ARHGAP26: variants seen among roughly 807,000 people sequenced by gnomAD.
ARHGAP26 encodes Rho GTPase activating protein 26.
Under a neutral mutation model 104.8 loss-of-function variants are expected in ARHGAP26, and 38 were observed. The ratio of observed to expected loss-of-function variants is 0.36; its 90% CI spans 0.28 to 0.48. The LOEUF is 0.48. ARHGAP26 is among the 20% of genes least tolerant of loss of function. The pLI, the probability that ARHGAP26 is intolerant of heterozygous loss-of-function variation, is 0.99. For missense variants in ARHGAP26, 704 were observed against 947.9 expected (o/e 0.74, Z 3.38); for synonymous variants, 341 against 340.0 (o/e 1.00, Z -0.03).
intron 11 of ARHGAP26, among the ~76,000 whole-genome samples, chr5:143,004,695 T>C (rs1374228399): frequency 3.3e-5 from 5 of 152,198 alleles, no homozygotes; most frequent in African/African-American, 7.2e-5. Context: ...CACTGCCCTT[T>C]GAGAATCTGA....
At chr5:143,014,238 G>A (rs556564404) in intron 12 of ARHGAP26, 122 bp downstream of exon 12, 248 of 1,059,260 alleles carry the variant, frequency 2.3e-4, no homozygotes, top group Non-Finnish European at 3.5e-4. Flanking sequence ...TCCAGTTCCC[G>A]AGTGCAGTGG....
chr5:142,925,637 C>G (rs1048953326), intron 10 of ARHGAP26, among the ~76,000 whole-genome samples: 9 of 152,192 alleles, frequency 5.9e-5, no homozygotes, highest in African/African-American at 2.2e-4. Flanking sequence ...CTGGCACTTG[C>G]AAAACTCTTC....
At chr5:142,819,175 C>G (rs375614273) in intron 1 of ARHGAP26, among the ~76,000 whole-genome samples, 2 of 152,184 alleles carry the variant, frequency 1.3e-5, no homozygotes, top group African/African-American at 4.8e-5. Flanking sequence ...CAGGAGGTCA[C>G]CCTAGTCCAA....
intron 1 of ARHGAP26, among the ~76,000 whole-genome samples, chr5:142,870,103 C>T (rs1327589672): frequency 6.6e-6 from 1 of 152,188 alleles, no homozygotes; most frequent in Non-Finnish European, 1.5e-5. Context: ...CTGCTTGGCT[C>T]CTTGCTGTGT....
chr5:143,074,756 C>G (rs1223644537), intron 17 of ARHGAP26, among the ~76,000 whole-genome samples: 1 of 152,224 alleles, frequency 6.6e-6, no homozygotes, highest in Admixed American at 6.5e-5. Context: ...GATTCCTTTT[C>G]CATTGGATGT....
rs547114581 is a variant in ARHGAP26, at chr5:143,015,854, G to T, written c.1144+1738G>T. 5.9e-5 allele frequency among the ~76,000 whole-genome samples: 9 copies of T among 152,284 alleles called. No individual in the cohort carries two copies. In the East Asian group the frequency reaches 1.3e-3, roughly 23 times the overall value. ...CCCAATAGATTTGAAGGACAACCAT[G>T]GTTCTAGTGGTGGGCATCCCAACTG... On this transcript the variant is annotated intron_variant, in intron 12 of 22. Coordinates refer to ENST00000645722, the MANE Select transcript of ARHGAP26 (RefSeq NM_001135608.3).
intron 12 of ARHGAP26, among the ~76,000 whole-genome samples, chr5:143,032,849 G>T (rs1254087395): frequency 6.6e-6 from 1 of 152,220 alleles, no homozygotes; most frequent in African/African-American, 2.4e-5. Context: ...ATGCACATGT[G>T]TGTGTGTGAA....
rs1002284998 is a variant in ARHGAP26 at position 143,133,815 on chromosome 5, T to G, written c.1699-152T>G. 9 of 690,348 alleles carry G rather than the reference T, an allele frequency of 1.3e-5. No individual in the cohort carries two copies. In the Admixed American group the frequency reaches 2.1e-4, roughly 16 times the overall value. The allele number at this position is 690,348 out of a possible 1,614,324, so 42.8% of individuals were successfully genotyped here. ...TTTAATGCCATTTCCTAGAAAAGTT[T>G]AAAATGAAGTCTTGAACAACTGCCA... On this transcript the variant is annotated intron_variant, in intron 18 of 22. Transcript: ENST00000645722.
intron 1 of ARHGAP26, among the ~76,000 whole-genome samples, chr5:142,823,211 G>A (rs35299): frequency 0.24 from 35,831 of 152,098 alleles, 6,106 homozygotes; most frequent in African/African-American, 0.46. Context: ...ATGGAAGCTC[G>A]TGCTAAACAC....
chr5:143,122,206 A>G (rs895310152), intron 18 of ARHGAP26, among the ~76,000 whole-genome samples: 1 of 152,070 alleles, frequency 6.6e-6, no homozygotes, highest in Non-Finnish European at 1.5e-5. Flanking sequence ...ATTTGCCCAC[A>G]TAGTCTCTGT....
intron 11 of ARHGAP26, among the ~76,000 whole-genome samples, chr5:143,001,550 A>G (rs1777193031): frequency 6.6e-6 from 1 of 152,226 alleles, no homozygotes; most frequent in Non-Finnish European, 1.5e-5. Context: ...CTCTTCTTTC[A>G]TCTTTTCTGT....
chr5:143,041,810 C>A lies in ARHGAP26; in HGVS notation c.1211-6C>A, dbSNP rs199986817. On this transcript the variant is annotated splice_polypyrimidine_tract_variant and splice_region_variant and intron_variant, in intron 13 of 22. Transcript: ENST00000645722. ...CTAATTAAATCATCACTGTTTCTTTCCTCAGGGATCAACGAGCAAGGGCTG... is the reference window on the plus strand; with the variant it reads ...CTAATTAAATCATCACTGTTTCTTTACTCAGGGATCAACGAGCAAGGGCTG... 6.2e-7 allele frequency: 1 copy of A among 1,604,596 alleles called. No homozygotes were observed. Among genetic ancestry groups the A allele is most frequent in the Non-Finnish European group, 8.5e-7 (1 of 1,175,162 alleles).
chr5:143,007,193 CGA>C (rs35266419), intron 11 of ARHGAP26, among the ~76,000 whole-genome samples: 9,440 of 115,068 alleles, frequency 0.082, 518 homozygotes, highest in African/African-American at 0.18. Context: ...ACTCTGTCTC[CGA>C]AAAAAAAAAA....
chr5:143,219,331 A>G (rs1205795778), intron 22 of ARHGAP26, among the ~76,000 whole-genome samples: 2 of 152,264 alleles, frequency 1.3e-5, no homozygotes, highest in Non-Finnish European at 2.9e-5. Context: ...CAGCAGCTTC[A>G]TAACATATCT....
chr5:143,084,496 T>C (rs1790261540), intron 17 of ARHGAP26, among the ~76,000 whole-genome samples: 1 of 152,206 alleles, frequency 6.6e-6, no homozygotes, highest in Admixed American at 6.5e-5. Context: ...GTTTATGGCC[T>C]GAGTTTCCAC....
chr5:143,072,863 A>G (rs1423690452), intron 17 of ARHGAP26, among the ~76,000 whole-genome samples: 2 of 152,178 alleles, frequency 1.3e-5, no homozygotes, highest in African/African-American at 2.4e-5. Context: ...ATACTACTCT[A>G]GGATGACTAT....
chr5:143,106,717 C>G (rs1051970827), intron 17 of ARHGAP26, among the ~76,000 whole-genome samples: 1 of 152,154 alleles, frequency 6.6e-6, no homozygotes, highest in Non-Finnish European at 1.5e-5. Flanking sequence ...AGGTGATCCA[C>G]CCACCTCGGC....
intron 20 of ARHGAP26, among the ~76,000 whole-genome samples, chr5:143,200,077 AT>A (rs1284824043): frequency 6.6e-6 from 1 of 152,232 alleles, no homozygotes; most frequent in African/African-American, 2.4e-5. Context: ...CAGGAAGGGA[AT>A]TGTATTCATT....
At chr5:143,187,721 C>G (rs1471705716) in intron 20 of ARHGAP26, among the ~76,000 whole-genome samples, 1 of 152,208 alleles carries the variant, frequency 6.6e-6, no homozygotes, top group South Asian at 2.1e-4. Flanking sequence ...GCAGCTTACC[C>G]CTATGCAAAA....
Sources: allele counts gnomAD v4.1 joint callset (sites outside exome capture counted in the v4.1 genomes callset), GRCh38; gene constraint gnomAD v4.1.1; transcripts MANE v1.5; gene names NCBI Gene and HGNC (gene_info 2026-07-23, HGNC 2026-07-21).